The following BCAM variants were observed in gnomAD, a reference collection of about 807,000 sequenced individuals.
BCAM encodes the protein basal cell adhesion molecule.
Under a neutral mutation model 72.4 loss-of-function variants are expected in BCAM, and 61 were observed. The observed-to-expected ratio is 0.84, with a 90% CI of 0.69 to 1.04. BCAM has a LOEUF of 1.04. Among genes scored for constraint, BCAM ranks in the 50% least tolerant of loss-of-function variants. The probability of loss-of-function intolerance (pLI) is 0.00; values close to 1 mark genes in which losing one functional copy is unlikely to be tolerated. For synonymous variants in BCAM, 408 were observed against 384.2 expected, an observed-to-expected ratio of 1.06 and a Z score of -0.73; for missense variants, 909 against 895.0, an observed-to-expected ratio of 1.02 and a Z score of -0.20.
In BCAM at chr19:44,819,095, C is replaced by T; in HGVS notation, c.1376C>T (p.Ala459Val). Reference protein sequence around the residue: ...ELKTAEIEPKADGSWREGDEV... With the variant: ...ELKTAEIEPKVDGSWREGDEV... ...AAGACAGCGGAAATAGAGCCCAAGGCAGATGGCAGCTGGAGGGAAGGAGAC... is the reference window on the plus strand; with the variant it reads ...AAGACAGCGGAAATAGAGCCCAAGGTAGATGGCAGCTGGAGGGAAGGAGAC... The change falls in exon 11 of 15, where the codon GCA becomes GTA. Residue 459 changes from alanine (A) to valine (V), a missense_variant. Physicochemically the swap from Ala to Val is moderately conservative, Grantham distance 64. Coordinates refer to ENST00000270233, the MANE Select transcript of BCAM (RefSeq NM_005581.5). 6.2e-7 allele frequency: 1 copy of T among 1,614,120 alleles called. No homozygotes were observed. Among genetic ancestry groups the T allele is most frequent in the Non-Finnish European group, 8.5e-7 (1 of 1,179,998 alleles).
rs577903824 is a variant in BCAM at position 44,819,185 on chromosome 19, G to A, written c.1466G>A (p.Gly489Glu). ...PDPKLSWSQL[G>E]GSPAEPIPGR... ...CCCAAACTCAGCTGGAGCCAATTGG[G>A]GGGCAGCGTAAGGGACCTTCCTCTC... Residue 489 changes from glycine (G) to glutamate (E), a missense_variant, in exon 11 of 15, where the codon GGG becomes GAG. By Grantham distance (98) the Gly-to-Glu change is moderately conservative (BLOSUM62 -2). Transcript: ENST00000270233. 3.7e-6 allele frequency: 6 copies of A among 1,613,964 alleles called. No homozygotes were observed. The South Asian group carries it at 6.6e-5, about 18-fold the overall frequency.
rs1968449251 is a variant in BCAM at position 44,813,132 on chromosome 19, G to A, written c.505-118G>A. The A allele has an allele frequency of 2.6e-6, 3 of 1,157,436 alleles. No individual in the cohort carries two copies. 71.7% of individuals were successfully genotyped at this position (1,157,436 alleles called of 1,614,324 possible). ...TAGGAATTTGGACTCCTGGGTCCTG[G>A]GAGAGTCGGGAGTTAGGAGCCCGGC... is the stretch of plus-strand genomic sequence containing the variant. On this transcript the variant is annotated intron_variant, in intron 4 of 14. Transcript: ENST00000270233. This position sits in a 1 kb window ranked among gnomAD's most constrained non-coding sequence, Gnocchi z 4.2.
In BCAM at chr19:44,813,415, C is replaced by A; in HGVS notation, c.602-23C>A. On this transcript the variant is annotated intron_variant, in intron 5 of 14. Transcript: ENST00000270233. This position sits in a 1 kb window ranked among gnomAD's most constrained non-coding sequence, Gnocchi z 4.2. ...GGCGGGGCTATGGCCTGGCTGACTG[C>A]CACCTCCCCCGATCTCTCCCAGAGG... The A allele has an allele frequency of 6.2e-7, 1 of 1,607,154 alleles. No homozygotes were observed. Among genetic ancestry groups the A allele is most frequent in the Non-Finnish European group, 8.5e-7 (1 of 1,176,550 alleles).
In BCAM at chr19:44,820,069, A is replaced by G. The variant is rs1968563719; in HGVS notation, c.1763+343A>G. 1.0e-5 allele frequency: 12 copies of G among 1,157,568 alleles called. No individual in the cohort carries two copies. In the East Asian group the frequency reaches 3.6e-4, roughly 35 times the overall value. The allele number at this position is 1,157,568 out of a possible 1,614,324, so 71.7% of individuals were successfully genotyped here. A position where few individuals can be genotyped will look rare whatever the true frequency, so the allele number is the denominator to read the frequency against. On this transcript the variant is annotated intron_variant, in intron 13 of 14. Transcript: ENST00000270233. ...ATCCCCAACTCCATGCCTGTCTCCA[A>G]TCCCAACCCTGCCCCCAATCTCCCC...
intron 2 of BCAM, chr19:44,811,822 TTGC>T: frequency 2.6e-6 from 1 of 390,298 alleles, no homozygotes; most frequent in Non-Finnish European, 4.6e-6. Flanking sequence ...GAGGTAGAGG[TTGC>T]AGTGAGCCGA....
rs1348981831 is a variant in BCAM, at chr19:44,814,098, C to T, written c.785-54C>T. The T allele has an allele frequency of 4.6e-6, 7 of 1,527,608 alleles. No homozygotes were observed. Among genetic ancestry groups the T allele is most frequent in the Non-Finnish European group, 6.1e-6 (7 of 1,145,166 alleles). 94.6% of individuals were successfully genotyped at this position (1,527,608 alleles called of 1,614,324 possible). A position where few individuals can be genotyped will look rare whatever the true frequency, so the allele number is the denominator to read the frequency against. On this transcript the variant is annotated intron_variant, in intron 6 of 14. Coordinates refer to ENST00000270233, the MANE Select transcript of BCAM (RefSeq NM_005581.5). The surrounding 1 kb of genome is among the most constrained non-coding windows in gnomAD (Gnocchi z 4.6). ...GCAGGGCTGACCTCTCGCCTGTCCTCTAGCCTTGACCCTTCCCCTGATCAC... is the reference window on the plus strand; with the variant it reads ...GCAGGGCTGACCTCTCGCCTGTCCTTTAGCCTTGACCCTTCCCCTGATCAC...
rs752744214 is a variant in BCAM at position 44,819,348 on chromosome 19, C to T, written c.1476C>T (p.Pro492=). The T allele has an allele frequency of 1.1e-5, 17 of 1,613,932 alleles. No homozygotes were observed. The highest frequency in any genetic ancestry group is 2.2e-5 in the East Asian group (1 of 44,888). ...GGGCCTGATCGGAGCCTCCATAGCC[C>T]GCAGAGCCAATCCCCGGACGGCAGG... ...KLSWSQLGGS[P]AEPIPGRQGW... is the part of the protein sequence containing the mutation. Residue 492 remains proline, a splice_region_variant and synonymous_variant, in exon 12 of 15, where the codon CCC becomes CCT. Coordinates refer to ENST00000270233, the MANE Select transcript of BCAM (RefSeq NM_005581.5).
chr19:44,812,631 G>T lies in BCAM; in HGVS notation c.504+83G>T. On this transcript the variant is annotated intron_variant, in intron 4 of 14. Coordinates refer to ENST00000270233, the MANE Select transcript of BCAM (RefSeq NM_005581.5). This position sits in a 1 kb window ranked among gnomAD's most constrained non-coding sequence, Gnocchi z 5.3. ...GGACTCCTGGGTCTGAGGGAGGAGG[G>T]GCTGGGGACCCCTGGGTAATAAAGG... The T allele has an allele frequency of 6.5e-7, 1 of 1,535,712 alleles. No homozygotes were observed. Among genetic ancestry groups the T allele is most frequent in the Non-Finnish European group, 8.9e-7 (1 of 1,129,828 alleles).
At position 44,819,460 on chromosome 19, in the gene BCAM, A is replaced by C. The variant is rs528037775; in HGVS notation, c.1588A>C (p.Asn530His). 1 of 1,613,992 alleles carries C rather than the reference A, an allele frequency of 6.2e-7. No homozygotes were observed. Among genetic ancestry groups the C allele is most frequent in the East Asian group, 2.2e-5 (1 of 44,880 alleles). Residue 530 changes from asparagine (N) to histidine (H), a missense_variant, in exon 12 of 15, where the codon AAC (asparagine) becomes CAC (histidine). Transcript: ENST00000270233. Reference sequence around the variant, plus strand: ...CTGTGAAGCCTCCAACCCCCACGGGAACAAGCGCCATGTCTTCCACTTCGG... The same window carrying C: ...CTGTGAAGCCTCCAACCCCCACGGGCACAAGCGCCATGTCTTCCACTTCGG... ...ISCEASNPHG[N>H]KRHVFHFGTV...
At position 44,821,015 on chromosome 19, in the gene BCAM, T is replaced by A; in HGVS notation, c.*94T>A. 7.3e-7 allele frequency: 1 copy of A among 1,376,930 alleles called. No homozygotes were observed. Among genetic ancestry groups the A allele is most frequent in the Non-Finnish European group, 9.5e-7 (1 of 1,048,802 alleles). The allele number at this position is 1,376,930 out of a possible 1,614,324, so 85.3% of individuals were successfully genotyped here. On this transcript the variant is annotated 3_prime_UTR_variant, in exon 15 of 15. Coordinates refer to ENST00000270233, the MANE Select transcript of BCAM (RefSeq NM_005581.5). ...GCCATGCCCGCCCCCGCCTTCCCTC[T>A]TCCCTCTTCCCTCTCCCTGCCCAGC...
chr19:44,809,271 G>A, intron 1 of BCAM, 65 bp downstream of exon 1: 1 of 1,317,450 alleles, frequency 7.6e-7, no homozygotes, highest in Non-Finnish European at 9.8e-7. Flanking sequence ...GGGAAAGCGA[G>A]GAGAAAGGGC....
chr19:44,821,004 C>G lies in BCAM; in HGVS notation c.*83C>G, dbSNP rs1037186951. On this transcript the variant is annotated 3_prime_UTR_variant, in exon 15 of 15. Coordinates refer to ENST00000270233, the MANE Select transcript of BCAM (RefSeq NM_005581.5). Reference sequence around the variant, plus strand: ...GCCCTGCTCACGCCATGCCCGCCCCCGCCTTCCCTCTTCCCTCTTCCCTCT... The same window carrying G: ...GCCCTGCTCACGCCATGCCCGCCCCGGCCTTCCCTCTTCCCTCTTCCCTCT... 2.8e-6 allele frequency: 4 copies of G among 1,429,898 alleles called. No homozygotes were observed. Among genetic ancestry groups the G allele is most frequent in the Middle Eastern group, 2.3e-4 (1 of 4,338 alleles). The allele number at this position is 1,429,898 out of a possible 1,614,324, so 88.6% of individuals were successfully genotyped here.
chr19:44,820,076 C>T (rs1968563788), intron 13 of BCAM: 1 of 1,162,684 alleles, frequency 8.6e-7, no homozygotes, highest in East Asian at 4.4e-5. Flanking sequence ...CCAATCCCAA[C>T]CCTGCCCCCA....
At chr19:44,811,596 G>T (rs1968420750) in intron 2 of BCAM, 2 of 492,900 alleles carry the variant, frequency 4.1e-6, no homozygotes, top group African/African-American at 2.0e-5. Flanking sequence ...CAGACATCAA[G>T]AAAGCAGAAG....
Position 44,819,412 on chromosome 19 carries a change from G to A in BCAM, c.1540G>A (p.Ala514Thr), listed in dbSNP as rs934382784. 2.5e-6 allele frequency: 4 copies of A among 1,613,936 alleles called. No homozygotes were observed. Among genetic ancestry groups the A allele is most frequent in the South Asian group, 2.2e-5 (2 of 91,092 alleles). Reference sequence around the variant, plus strand: ...CTCTCTGACCCTGAAAGTGACCAGCGCCCTGAGCCGCGATGGCATCTCCTG... The same window carrying A: ...CTCTCTGACCCTGAAAGTGACCAGCACCCTGAGCCGCGATGGCATCTCCTG... ...SSSLTLKVTS[A>T]LSRDGISCEA... The change falls in exon 12 of 15, where the codon GCC (alanine) becomes ACC (threonine). Residue 514 changes from alanine to threonine, a missense_variant. Coordinates refer to ENST00000270233, the MANE Select transcript of BCAM (RefSeq NM_005581.5).
chr19:44,813,590 G>A lies in BCAM; in HGVS notation c.754G>A (p.Asp252Asn). The A allele has an allele frequency of 6.2e-7, 1 of 1,612,572 alleles. No individual in the cohort carries two copies. ...SLPEGRHGRL[D>N]SPTFHLTLHY... Reference sequence around the variant, plus strand: ...GCCCGAGGGCCGCCACGGCCGCCTGGACAGCCCCACCTTCCACCTCACCCT... The same window carrying A: ...GCCCGAGGGCCGCCACGGCCGCCTGAACAGCCCCACCTTCCACCTCACCCT... The change falls in exon 6 of 15, where the codon GAC becomes AAC. Residue 252 changes from aspartate to asparagine, a missense_variant. Transcript: ENST00000270233. The surrounding 1 kb of genome is among the most constrained non-coding windows in gnomAD (Gnocchi z 4.2).
At chr19:44,810,757 A>G (rs1343189729) in intron 1 of BCAM, among the ~76,000 whole-genome samples, 1 of 152,208 alleles carries the variant, frequency 6.6e-6, no homozygotes, top group African/African-American at 2.4e-5. Flanking sequence ...AGGCTGGTGC[A>G]GTATTACCCC....
chr19:44,811,936 A>G, intron 2 of BCAM: 1 of 577,712 alleles, frequency 1.7e-6, no homozygotes, highest in South Asian at 2.3e-5. Flanking sequence ...AGAGACCAAG[A>G]GGAGAAGGGA....
chr19:44,819,059 C>T lies in BCAM; in HGVS notation c.1340C>T (p.Ser447Leu), dbSNP rs117737673. 39,315 of 1,613,856 alleles carry T rather than the reference C, an allele frequency of 0.024. 517 individuals carry two copies. Among genetic ancestry groups the T allele is most frequent in the Non-Finnish European group, 0.028 (32,937 of 1,179,876 alleles). The change falls in exon 11 of 15, where the codon TCG becomes TTG. Residue 447 changes from serine to leucine, a missense_variant. Ser to Leu is a moderately radical substitution (Grantham distance 145). Transcript: ENST00000270233. ...TTCCCATCCCCACCACCCACAGGCT[C>T]GCCAGAGCTAAAGACAGCGGAAATA... is the stretch of plus-strand genomic sequence containing the variant. Reference protein sequence around the residue: ...TQNFTLLVQGSPELKTAEIEP... With the variant: ...TQNFTLLVQGLPELKTAEIEP...
Sources: allele counts gnomAD v4.1 joint callset (sites outside exome capture counted in the v4.1 genomes callset), GRCh38; gene constraint gnomAD v4.1.1; non-coding constraint Gnocchi (gnomAD v3.1); transcripts MANE v1.5; gene names NCBI Gene and HGNC (gene_info 2026-07-23, HGNC 2026-07-21).